MED13L: variants seen among roughly 807,000 people sequenced by gnomAD.
MED13L encodes mediator complex subunit 13L.
MED13L carries 7 observed loss-of-function variants against 220.9 expected under a neutral mutation model. That is an observed-to-expected ratio of 0.03 (90% confidence interval 0.02 to 0.06). MED13L has a LOEUF of 0.06. Among genes scored for constraint, MED13L ranks in the 10% least tolerant of loss-of-function variants. The probability of loss-of-function intolerance (pLI) is 1.00; values close to 1 mark genes in which losing one functional copy is unlikely to be tolerated. For synonymous variants in MED13L, 1,011 were observed against 1,015.2 expected (o/e 1.00, Z 0.08); for missense variants, 1,965 against 2,760.5 (o/e 0.71, Z 6.46).
intron 2 of MED13L, among the ~76,000 whole-genome samples, chr12:116,129,438 C>T (rs929906317): frequency 5.9e-5 from 9 of 152,152 alleles, no homozygotes. Context: ...TAGTCATACA[C>T]TGTCCTGTTT....
In MED13L at chr12:116,152,173, C is replaced by T. The variant is rs138968041; in HGVS notation, c.311-40661G>A. On this transcript the variant is annotated intron_variant, in intron 2 of 30. Coordinates refer to ENST00000281928, the MANE Select transcript of MED13L (RefSeq NM_015335.5). Reference sequence around the variant, plus strand: ...TGGATAGGATCTCCGTATAAAGCCCCCAAAAGGCTGTGAAAAAGTAAATAC... The same window carrying T: ...TGGATAGGATCTCCGTATAAAGCCCTCAAAAGGCTGTGAAAAAGTAAATAC... Among the ~76,000 whole-genome samples, 1,339 of 152,148 alleles carry T rather than the reference C, an allele frequency of 8.8e-3. 24 individuals carry two copies. The highest frequency in any genetic ancestry group is 0.03 in the African/African-American group (1,255 of 41,516).
At chr12:116,080,230 T>C (rs1220396069) in intron 4 of MED13L, among the ~76,000 whole-genome samples, 1 of 152,134 alleles carries the variant, frequency 6.6e-6, no homozygotes, top group Non-Finnish European at 1.5e-5. Context: ...CTTTATATAC[T>C]TGGCAGGGTT....
intron 4 of MED13L, among the ~76,000 whole-genome samples, chr12:116,046,108 C>A (rs1398762628): frequency 1.3e-5 from 2 of 152,032 alleles, no homozygotes; most frequent in African/African-American, 2.4e-5. Context: ...CTTTAACATA[C>A]CATGTCTAAG....
chr12:116,106,932 T>TCTGAAAAGG (rs1293449920), intron 3 of MED13L, among the ~76,000 whole-genome samples: 4 of 152,168 alleles, frequency 2.6e-5, no homozygotes, highest in Non-Finnish European at 5.9e-5. Flanking sequence ...CTTTTAATGT[T>TCTGAAAAGG]TGTCTCCCAC....
chr12:116,213,809 T>C (rs189026390), intron 2 of MED13L, among the ~76,000 whole-genome samples: 15 of 152,342 alleles, frequency 9.8e-5, no homozygotes, highest in Admixed American at 9.8e-4. Flanking sequence ...CTACCAAATA[T>C]GGAATCCTTT....
At chr12:116,167,963 T>C (rs577038394) in intron 2 of MED13L, among the ~76,000 whole-genome samples, 6 of 152,318 alleles carry the variant, frequency 3.9e-5, no homozygotes, top group South Asian at 2.1e-4. Flanking sequence ...ATTTGAAATA[T>C]TGAAGATAAA....
rs761274406 is a variant in MED13L, at chr12:116,009,074, G to C, written c.1339C>G (p.Pro447Ala). 1 of 1,614,086 alleles carries C rather than the reference G, an allele frequency of 6.2e-7. No individual in the cohort carries two copies. The highest frequency in any genetic ancestry group is 8.5e-7 in the Non-Finnish European group (1 of 1,179,990). Residue 447 changes from proline (P) to alanine (A), a missense_variant, in exon 10 of 31, where the codon CCA becomes GCA. Around this residue, in one of 10 missense-constraint regions of MED13L, gnomAD observed 818 missense variants for 1,041.2 expected, o/e 0.79. Coordinates refer to ENST00000281928, the MANE Select transcript of MED13L (RefSeq NM_015335.5). ...GATGATGGTCCTGCACTGAACCCTG[G>C]TTGAGATACTGTGGGAGGTCGATTG... ...GPNRPPTVSQ[P>A]GFSAGPSSSS...
intron 2 of MED13L, among the ~76,000 whole-genome samples, chr12:116,128,922 T>G (rs1395342440): frequency 6.6e-6 from 1 of 152,136 alleles, no homozygotes; most frequent in Non-Finnish European, 1.5e-5. Context: ...AATCTTTTAT[T>G]TTCCCTTGAA....
intron 2 of MED13L, among the ~76,000 whole-genome samples, chr12:116,125,964 C>T (rs1875554625): frequency 6.6e-6 from 1 of 152,136 alleles, no homozygotes; most frequent in Admixed American, 6.5e-5. Context: ...ACAGAATGTA[C>T]AATTCTCCCC....
chr12:116,062,465 A>G (rs1489395770), intron 4 of MED13L, among the ~76,000 whole-genome samples: 1 of 145,152 alleles, frequency 6.9e-6, no homozygotes, highest in Non-Finnish European at 1.5e-5. Flanking sequence ...TGAATAGAAT[A>G]GTGTCTCTCT....
intron 14 of MED13L, among the ~76,000 whole-genome samples, chr12:115,998,208 T>A (rs1382046115): frequency 6.6e-6 from 1 of 152,226 alleles, no homozygotes; most frequent in Non-Finnish European, 1.5e-5. Context: ...TCTTAAAAAG[T>A]AGACCTATTG....
intron 4 of MED13L, among the ~76,000 whole-genome samples, chr12:116,088,414 G>A (rs893681074): frequency 2.0e-5 from 3 of 152,110 alleles, no homozygotes; most frequent in Non-Finnish European, 4.4e-5. Context: ...CTAAAACAGT[G>A]GTTTTCAACC....
rs773277217 is a variant in MED13L at position 116,059,417 on chromosome 12, C to CTT, written c.480-36818_480-36817dup. 1.1e-4 allele frequency among the ~76,000 whole-genome samples: 15 copies of CTT among 137,776 alleles called. No homozygotes were observed. In the East Asian group the frequency reaches 1.3e-3, roughly 12 times the overall value. The allele number at this position is 137,776 out of a possible 152,430, so 90.4% of individuals were successfully genotyped here. On this transcript the variant is annotated intron_variant, in intron 4 of 30. Transcript: ENST00000281928. ...CCCTCCAGTAAAAAATTATACCGTACTTTTTTTTTTTTTTTTGGTGAGGAG... is the reference window on the plus strand; with the variant it reads ...CCCTCCAGTAAAAAATTATACCGTACTTTTTTTTTTTTTTTTTTGGTGAGGAG...
intron 27 of MED13L, 42 bp from the exon 28 acceptor site, chr12:115,969,139 T>C: frequency 6.3e-7 from 1 of 1,590,062 alleles, no homozygotes; most frequent in Non-Finnish European, 8.6e-7. Flanking sequence ...ATTAAAAAGA[T>C]AGTCCACATA....
At chr12:116,013,901 A>AGTT (rs56870398) in intron 8 of MED13L, among the ~76,000 whole-genome samples, 4,752 of 152,192 alleles carry the variant, frequency 0.031, 233 homozygotes, top group African/African-American at 0.11. Context: ...ATCTGTTAAG[A>AGTT]GTTGTGGAGG....
At chr12:116,153,942 AC>A (rs1409269950) in intron 2 of MED13L, among the ~76,000 whole-genome samples, 1 of 152,190 alleles carries the variant, frequency 6.6e-6, no homozygotes, top group Non-Finnish European at 1.5e-5. Context: ...ATGCGTATAC[AC>A]AAATCAATGT....
chr12:116,180,668 G>A (rs767459927), intron 2 of MED13L, among the ~76,000 whole-genome samples: 1 of 152,082 alleles, frequency 6.6e-6, no homozygotes, highest in Admixed American at 6.5e-5. Flanking sequence ...ACGAGATCCC[G>A]CCCTCCTCAA....
At chr12:116,013,648 T>A (rs1260005992) in intron 8 of MED13L, among the ~76,000 whole-genome samples, 6 of 152,246 alleles carry the variant, frequency 3.9e-5, no homozygotes, top group African/African-American at 1.4e-4. Context: ...GCACTCCTAA[T>A]GTGAAATAGA....
At chr12:116,124,050 T>C (rs1419142813) in intron 2 of MED13L, among the ~76,000 whole-genome samples, 1 of 151,632 alleles carries the variant, frequency 6.6e-6, no homozygotes, top group Non-Finnish European at 1.5e-5. Flanking sequence ...ACTGACATAG[T>C]AATTATTTTT....
Sources: allele counts gnomAD v4.1 joint callset (sites outside exome capture counted in the v4.1 genomes callset), GRCh38; gene constraint gnomAD v4.1.1; regional missense constraint gnomAD v4.1.1; transcripts MANE v1.5; gene names NCBI Gene and HGNC (gene_info 2026-07-23, HGNC 2026-07-21).